The following SLC7A9 variants were observed in gnomAD, a reference collection of about 807,000 sequenced individuals.
SLC7A9 encodes solute carrier family 7 member 9.
A neutral mutation model predicts 54.1 loss-of-function variants in SLC7A9; 38 were observed. The observed-to-expected ratio is 0.70, with a 90% CI of 0.54 to 0.92. SLC7A9 has a LOEUF of 0.92. Among genes scored for constraint, SLC7A9 ranks in the 40% least tolerant of loss-of-function variants. The pLI, the probability that SLC7A9 is intolerant of heterozygous loss-of-function variation, is 0.00. For missense variants in SLC7A9, 537 were observed against 636.1 expected (o/e 0.84, Z 1.68); for synonymous variants, 264 against 258.9 (o/e 1.02, Z -0.19).
At chr19:32,849,604 AAGG>A (rs1177733624) in intron 9 of SLC7A9, among the ~76,000 whole-genome samples, 7 of 151,706 alleles carry the variant, frequency 4.6e-5, no homozygotes, top group African/African-American at 1.4e-4. Context: ...CCAGAGGTAC[AAGG>A]AGGAGCTGGT....
chr19:32,845,089 G>A (rs527913903), intron 9 of SLC7A9, among the ~76,000 whole-genome samples: 149 of 151,836 alleles, frequency 9.8e-4, no homozygotes, highest in African/African-American at 2.5e-3. Context: ...GCTTGAACCC[G>A]GGAGGCAGAG....
chr19:32,854,885 G>A (rs571506557), intron 9 of SLC7A9, among the ~76,000 whole-genome samples: 32 of 152,290 alleles, frequency 2.1e-4, no homozygotes, highest in Non-Finnish European at 3.5e-4. Context: ...ACTGCACCTG[G>A]CCTTGGGTAT....
At position 32,864,399 on chromosome 19, in the gene SLC7A9, A is replaced by T. The variant is rs549221940; in HGVS notation, c.236-61T>A. 1.8e-4 allele frequency: 282 copies of T among 1,607,792 alleles called. 4 individuals carry two copies. The South Asian group carries it at 3.0e-3, about 17-fold the overall frequency. On this transcript the variant is annotated intron_variant, in intron 3 of 12. Coordinates refer to ENST00000023064, the MANE Select transcript of SLC7A9 (RefSeq NM_014270.5). ...GTGAGGCACTGCCCCGGCCCCAGGG[A>T]GCCTTCCTCCCACCGGAGGCTGCGC...
intron 7 of SLC7A9, 128 bp from the exon 8 acceptor site, chr19:32,860,092 A>G (rs1968754414): frequency 6.4e-7 from 1 of 1,572,638 alleles, no homozygotes; most frequent in East Asian, 2.4e-5. Flanking sequence ...AACATAAGAC[A>G]TTTTCAAATG....
rs990868994 is a variant in SLC7A9 at position 32,859,905 on chromosome 19, A to G, written c.809T>C (p.Met270Thr). 3 of 1,614,182 alleles carry G rather than the reference A, an allele frequency of 1.9e-6. No individual in the cohort carries two copies. Among genetic ancestry groups the G allele is most frequent in the East Asian group, 2.2e-5 (1 of 44,852 alleles). Residue 270 changes from methionine to threonine, a missense_variant, in exon 8 of 13, where the codon ATG becomes ACG. Coordinates refer to ENST00000023064, the MANE Select transcript of SLC7A9 (RefSeq NM_014270.5). Reference sequence around the variant, plus strand: ...CATCACGGTGAAGTAGGACACGTTCATGAGGATGTAGCACGCCGTCACCAG... The same window carrying G: ...CATCACGGTGAAGTAGGACACGTTCGTGAGGATGTAGCACGCCGTCACCAG... ...IPLVTACYIL[M>T]NVSYFTVMTA...
intron 11 of SLC7A9, among the ~76,000 whole-genome samples, chr19:32,835,974 G>C (rs1282793916): frequency 4.6e-5 from 7 of 151,656 alleles, no homozygotes; most frequent in African/African-American, 1.7e-4. Context: ...GAGTGCAGTG[G>C]CACAATCTCG....
chr19:32,868,655 C>T lies in SLC7A9; in HGVS notation c.-111-10G>A. On this transcript the variant is annotated splice_polypyrimidine_tract_variant and intron_variant, in intron 1 of 12. Coordinates refer to ENST00000023064, the MANE Select transcript of SLC7A9 (RefSeq NM_014270.5). ...GGACTAGGGGAGCTGGCTGCAAAAG[C>T]ACAGTGTTGGTTATTGCTGCAGGTG... 2 of 823,788 alleles carry T rather than the reference C, an allele frequency of 2.4e-6. No homozygotes were observed. The highest frequency in any genetic ancestry group is 4.2e-6 in the Non-Finnish European group (2 of 475,856). The allele number at this position is 823,788 out of a possible 1,614,324, so 51.0% of individuals were successfully genotyped here. A position where few individuals can be genotyped will look rare whatever the true frequency, so the allele number is the denominator to read the frequency against.
At chr19:32,835,331 A>G (rs971455748) in intron 11 of SLC7A9, among the ~76,000 whole-genome samples, 1 of 152,204 alleles carries the variant, frequency 6.6e-6, no homozygotes, top group South Asian at 2.1e-4. Flanking sequence ...TGAAAAATCA[A>G]TAAAATCAAT....
In SLC7A9 at chr19:32,868,592, C is replaced by T. The variant is rs895532870; in HGVS notation, c.-58G>A. On this transcript the variant is annotated 5_prime_UTR_variant, in exon 2 of 13. Coordinates refer to ENST00000023064, the MANE Select transcript of SLC7A9 (RefSeq NM_014270.5). Reference sequence around the variant, plus strand: ...GAGGGCGCACAGCTAAATCTTGGTTCAGCAGCAGCAGACAAGACGCAAGTG... The same window carrying T: ...GAGGGCGCACAGCTAAATCTTGGTTTAGCAGCAGCAGACAAGACGCAAGTG... The T allele has an allele frequency of 1.4e-6, 2 of 1,428,812 alleles. No individual in the cohort carries two copies. The highest frequency in any genetic ancestry group is 2.8e-5 in the African/African-American group (2 of 71,288). 88.5% of individuals were successfully genotyped at this position (1,428,812 alleles called of 1,614,324 possible). A position where few individuals can be genotyped will look rare whatever the true frequency, so the allele number is the denominator to read the frequency against.
chr19:32,842,568 T>C (rs1302759116), intron 10 of SLC7A9, among the ~76,000 whole-genome samples: 3 of 150,786 alleles, frequency 2.0e-5, no homozygotes, highest in African/African-American at 7.3e-5. Flanking sequence ...AAATAAAATA[T>C]TAGGTTGGTG....
intron 9 of SLC7A9, among the ~76,000 whole-genome samples, chr19:32,855,269 T>C (rs1394137022): frequency 6.6e-6 from 1 of 152,168 alleles, no homozygotes; most frequent in African/African-American, 2.4e-5. Flanking sequence ...GTCAGGCTGG[T>C]GGGACCAAGG....
At chr19:32,856,415 C>T (rs1968629689) in intron 9 of SLC7A9, among the ~76,000 whole-genome samples, 4 of 152,042 alleles carry the variant, frequency 2.6e-5, no homozygotes, top group South Asian at 2.1e-4. Flanking sequence ...AAGATGGTCT[C>T]GATCTCCTGA....
In SLC7A9 at chr19:32,868,634, TA is replaced by T. The variant is rs1969050080; in HGVS notation, c.-101del. The T allele has an allele frequency of 2.0e-6, 2 of 981,072 alleles. No homozygotes were observed. The highest frequency in any genetic ancestry group is 2.6e-5 in the South Asian group (2 of 77,164). 60.8% of individuals were successfully genotyped at this position (981,072 alleles called of 1,614,324 possible). On this transcript the variant is annotated 5_prime_UTR_variant, in exon 2 of 13. Coordinates refer to ENST00000023064, the MANE Select transcript of SLC7A9 (RefSeq NM_014270.5). ...ACGCAAGTGCAAGCTCGGCCTGGAC[TA>T]GGGGAGCTGGCTGCAAAAGCACAGT...
chr19:32,841,576 A>AC (rs1423225859), intron 11 of SLC7A9, among the ~76,000 whole-genome samples: 1 of 152,136 alleles, frequency 6.6e-6, no homozygotes, highest in African/African-American at 2.4e-5. Flanking sequence ...AAAAAAAATG[A>AC]AACAAGAAAA....
At chr19:32,852,945 G>A (rs8104828) in intron 9 of SLC7A9, among the ~76,000 whole-genome samples, 23,254 of 134,132 alleles carry the variant, frequency 0.17, 2,230 homozygotes, top group East Asian at 0.51. Flanking sequence ...ACGGAGTCTC[G>A]CTCTGTCACC....
At chr19:32,831,082 G>T (rs1453541776) in intron 12 of SLC7A9, among the ~76,000 whole-genome samples, 2 of 151,828 alleles carry the variant, frequency 1.3e-5, no homozygotes, top group Non-Finnish European at 2.9e-5. Flanking sequence ...GGAAGAGGAT[G>T]CCCAGGAAGT....
chr19:32,839,552 C>CAAA (rs913100576), intron 11 of SLC7A9, among the ~76,000 whole-genome samples: 17 of 82,786 alleles, frequency 2.1e-4, no homozygotes, highest in African/African-American at 5.7e-4. Flanking sequence ...CACTCCGTCT[C>CAAA]AAAAAAAAAA....
intron 3 of SLC7A9, 25 bp from the exon 4 acceptor site, chr19:32,864,363 A>ACAGGCCCCTTGTGAGGCACTGCC: frequency 1.2e-6 from 2 of 1,613,236 alleles, no homozygotes; most frequent in Non-Finnish European, 8.5e-7. Context: ...GGAAGGGCCC[A>ACAGGCCCCTTGTGAGGCACTGCC]CAGGCCCCTT....
intron 6 of SLC7A9, 103 bp from the exon 7 acceptor site, chr19:32,860,753 G>GA (rs1418109112): frequency 1.5e-5 from 23 of 1,487,654 alleles, no homozygotes; most frequent in Non-Finnish European, 1.9e-5. Flanking sequence ...CTCTACCAGA[G>GA]AAAAAAATTC....
Sources: gnomAD v4.1 joint callset for allele counts (sites outside exome capture counted in the v4.1 genomes callset) on GRCh38, gnomAD v4.1.1 for gene constraint, MANE v1.5 for transcripts, NCBI Gene and HGNC (gene_info 2026-07-23, HGNC 2026-07-21) for gene names.